The following NAA16 variants were observed in gnomAD, a reference collection of about 807,000 sequenced individuals.
NAA16 encodes the protein N-alpha-acetyltransferase 16, NatA auxiliary subunit.
A neutral mutation model predicts 110.3 loss-of-function variants in NAA16; 97 were observed. That is an observed-to-expected ratio of 0.88 (90% confidence interval 0.75 to 1.04). The LOEUF (loss-of-function observed/expected upper bound fraction) is 1.04, where lower values mean the gene tolerates loss of function less well. Ranked by LOEUF, NAA16 falls within the 50% of genes least tolerant of loss-of-function variation. NAA16 has a pLI of 0.00. For synonymous variants in NAA16, 372 were observed against 330.6 expected (o/e 1.13, Z -1.36); for missense variants, 1,017 against 1,005.1 (o/e 1.01, Z -0.16).
At chr13:41,336,983 C>CT (rs1012445002) in intron 9 of NAA16, among the ~76,000 whole-genome samples, 1 of 151,642 alleles carries the variant, frequency 6.6e-6, no homozygotes, top group Admixed American at 6.6e-5. Flanking sequence ...AATAGGTATA[C>CT]TTTTTTTTAG....
At chr13:41,324,659 C>T (rs571943777) in intron 5 of NAA16, among the ~76,000 whole-genome samples, 7 of 151,382 alleles carry the variant, frequency 4.6e-5, no homozygotes, top group Admixed American at 6.6e-5. Flanking sequence ...CAGGTGTGAG[C>T]CACCGTGCCC....
In NAA16 at chr13:41,367,454, A is replaced by T. The variant is rs777284618; in HGVS notation, c.1555A>T (p.Thr519Ser). 84 of 1,594,048 alleles carry T rather than the reference A, an allele frequency of 5.3e-5. No homozygotes were observed. Among genetic ancestry groups the T allele is most frequent in the Non-Finnish European group, 6.2e-5 (73 of 1,168,170 alleles). ...HEVERHFFEI[T>S]DDQFDFHTYC... The stretch of plus-strand genomic sequence containing the variant: ...TGTTTTTAAGCATTTTTTTGAGATA[A>T]CTGATGACCAATTCGACTTCCATAC... Residue 519 changes from threonine (T) to serine (S), a missense_variant, in exon 14 of 20, where the codon ACT becomes TCT. Transcript: ENST00000379406.
At chr13:41,313,486 A>G (rs1323860864) in intron 1 of NAA16, among the ~76,000 whole-genome samples, 1 of 152,278 alleles carries the variant, frequency 6.6e-6, no homozygotes, top group Non-Finnish European at 1.5e-5. Flanking sequence ...AAATTTGGCT[A>G]CAACAAATTC....
intron 8 of NAA16, among the ~76,000 whole-genome samples, chr13:41,332,052 G>C (rs1263791279): frequency 6.6e-6 from 1 of 152,068 alleles, no homozygotes; most frequent in Non-Finnish European, 1.5e-5. Context: ...AAGTTTTGAA[G>C]TTTTTGTGTT....
chr13:41,338,537 A>G lies in NAA16; in HGVS notation c.1014+1781A>G, dbSNP rs186883627. Among the ~76,000 whole-genome samples, 9 of 152,334 alleles carry G rather than the reference A, an allele frequency of 5.9e-5. No homozygotes were observed. The East Asian group carries it at 1.7e-3, about 29-fold the overall frequency. On this transcript the variant is annotated intron_variant, in intron 9 of 19. Transcript: ENST00000379406. Reference sequence around the variant, plus strand: ...ATGCTATATTATTAGAAATGCCAGAACACCAAGTGTGTTTGCAAAATGAAT... The same window carrying G: ...ATGCTATATTATTAGAAATGCCAGAGCACCAAGTGTGTTTGCAAAATGAAT...
In NAA16 at chr13:41,325,934, A is replaced by T. The variant is rs374528686; in HGVS notation, c.691+83A>T. On this transcript the variant is annotated intron_variant, in intron 6 of 19. Transcript: ENST00000379406. ...TTTATTCTCTCCTAAGTCTTACGTA[A>T]CAGTTGTTATGTATCTGGCAAGGTT... The T allele has an allele frequency of 2.6e-4, 295 of 1,150,232 alleles. No individual in the cohort carries two copies. In the African/African-American group the frequency reaches 4.0e-3, roughly 16 times the overall value. 71.3% of individuals were successfully genotyped at this position (1,150,232 alleles called of 1,614,324 possible). A position where few individuals can be genotyped will look rare whatever the true frequency, so the allele number is the denominator to read the frequency against.
At chr13:41,365,722 T>G (rs1220055686) in intron 13 of NAA16, among the ~76,000 whole-genome samples, 1 of 152,214 alleles carries the variant, frequency 6.6e-6, no homozygotes, top group African/African-American at 2.4e-5. Flanking sequence ...ACCCAATTTA[T>G]GGAAGACATT....
intron 8 of NAA16, 39 bp from the exon 9 acceptor site, chr13:41,336,611 C>G (rs2042387779): frequency 8.3e-7 from 1 of 1,206,264 alleles, no homozygotes; most frequent in Non-Finnish European, 1.2e-6. Context: ...GAATTGTTTG[C>G]GTGAACCAAA....
rs200213692 is a variant in NAA16, at chr13:41,312,557, GA to G, written c.54+982del. Among the ~76,000 whole-genome samples, 1,056 of 152,158 alleles carry G rather than the reference GA, an allele frequency of 6.9e-3. 16 individuals are homozygous for G. The highest frequency in any genetic ancestry group is 0.023 in the African/African-American group (974 of 41,526). The stretch of plus-strand genomic sequence containing the variant: ...TCTTTTCTAGTTTATCTTTTCACCT[GA>G]AAAAAAGCTTTTATTTGCTAAACAT... On this transcript the variant is annotated intron_variant, in intron 1 of 19. Coordinates refer to ENST00000379406, the MANE Select transcript of NAA16 (RefSeq NM_024561.5).
intron 13 of NAA16, among the ~76,000 whole-genome samples, chr13:41,364,908 G>C (rs555162570): frequency 6.6e-6 from 1 of 151,970 alleles, no homozygotes; most frequent in East Asian, 1.9e-4. Flanking sequence ...AGTCACATCC[G>C]GGAACTCTGA....
intron 8 of NAA16, among the ~76,000 whole-genome samples, chr13:41,334,804 C>CT (rs1467493575): frequency 2.0e-5 from 3 of 152,186 alleles, no homozygotes; most frequent in Non-Finnish European, 4.4e-5. Context: ...ACTAAGTTTA[C>CT]TTTCCTGAAG....
chr13:41,328,929 T>G, intron 7 of NAA16, 86 bp downstream of exon 7: 2 of 1,197,222 alleles, frequency 1.7e-6, no homozygotes, highest in Non-Finnish European at 2.4e-6. Context: ...TGGGAACAAA[T>G]AATTTTAGCA....
chr13:41,320,842 A>G lies in NAA16; in HGVS notation c.402+18A>G, dbSNP rs2041926789. 1 of 1,576,672 alleles carries G rather than the reference A, an allele frequency of 6.3e-7. No individual in the cohort carries two copies. Among genetic ancestry groups the G allele is most frequent in the African/African-American group, 1.4e-5 (1 of 73,074 alleles). ...GTTACCGAGTAAGTACTTCATTCTT[A>G]AATGTACATGATTTTACAGTAGACA... On this transcript the variant is annotated intron_variant, in intron 4 of 19. Transcript: ENST00000379406.
rs1196063105 is a variant in NAA16 at position 41,316,828 on chromosome 13, G to T, written c.55-18G>T. 6.5e-7 allele frequency: 1 copy of T among 1,548,244 alleles called. No individual in the cohort carries two copies. ...GTATTCATTTGATAAAATAACTTTT[G>T]TTCATATTTCTTTACAGAAATGTTA... On this transcript the variant is annotated intron_variant, in intron 1 of 19. Coordinates refer to ENST00000379406, the MANE Select transcript of NAA16 (RefSeq NM_024561.5).
intron 9 of NAA16, among the ~76,000 whole-genome samples, chr13:41,349,061 T>TC (rs1294825378): frequency 1.3e-5 from 2 of 152,202 alleles, no homozygotes; most frequent in African/African-American, 4.8e-5. Context: ...ATTTTCTTGA[T>TC]CTAAAGAGCC....
At chr13:41,328,470 G>A (rs2042150627) in intron 6 of NAA16, among the ~76,000 whole-genome samples, 1 of 152,098 alleles carries the variant, frequency 6.6e-6, no homozygotes, top group Non-Finnish European at 1.5e-5. Flanking sequence ...TAATGCAAAA[G>A]TTTTTTTACT....
chr13:41,334,913 C>G (rs1256961943), intron 8 of NAA16, among the ~76,000 whole-genome samples: 4 of 152,284 alleles, frequency 2.6e-5, no homozygotes, highest in South Asian at 4.1e-4. Context: ...GTCACCCCCC[C>G]CACTGTGCTT....
In NAA16 at chr13:41,358,792, TTTAA is replaced by T. The variant is rs750446048; in HGVS notation, c.1258-14_1258-11del. 2.5e-5 allele frequency: 38 copies of T among 1,550,518 alleles called. No homozygotes were observed. Among genetic ancestry groups the T allele is most frequent in the Non-Finnish European group, 3.3e-5 (38 of 1,148,488 alleles). ...TCTCTTGATTATAAATTGTGGTTCC[TTTAA>T]TTATCTTTTATAGCATATAGGTAAT... On this transcript the variant is annotated splice_polypyrimidine_tract_variant and intron_variant, in intron 11 of 19. Coordinates refer to ENST00000379406, the MANE Select transcript of NAA16 (RefSeq NM_024561.5).
At chr13:41,334,709 C>G (rs2042331179) in intron 8 of NAA16, among the ~76,000 whole-genome samples, 1 of 152,076 alleles carries the variant, frequency 6.6e-6, no homozygotes, top group African/African-American at 2.4e-5. Context: ...GTGTAGGCTT[C>G]TTGTTTAGGT....
Sources: gnomAD v4.1 joint callset for allele counts (sites outside exome capture counted in the v4.1 genomes callset) on GRCh38, gnomAD v4.1.1 for gene constraint, MANE v1.5 for transcripts, NCBI Gene and HGNC (gene_info 2026-07-23, HGNC 2026-07-21) for gene names.